The following CNTN6 variants were observed in gnomAD, a reference collection of about 807,000 sequenced individuals.
CNTN6 encodes contactin-6.
Under a neutral mutation model 122.8 loss-of-function variants are expected in CNTN6, and 137 were observed. The observed-to-expected ratio is 1.12, with a 90% CI of 0.97 to 1.29. CNTN6 has a LOEUF of 1.29. Among genes scored for constraint, CNTN6 ranks in the 50% most tolerant of loss-of-function variants. The pLI, the probability that CNTN6 is intolerant of heterozygous loss-of-function variation, is 0.00. For missense variants in CNTN6, 1,634 were observed against 1,223.4 expected, an observed-to-expected ratio of 1.34 and a Z score of -5.01; for synonymous variants, 570 against 426.0, an observed-to-expected ratio of 1.34 and a Z score of -4.16.
chr3:1,337,036 T>C (rs1703174194), intron 11 of CNTN6, among the ~76,000 whole-genome samples: 1 of 152,182 alleles, frequency 6.6e-6, no homozygotes, highest in East Asian at 1.9e-4. Context: ...GATCTTTCTT[T>C]TCTTCATGGG....
At chr3:1,172,767 T>C (rs1251852763) in intron 2 of CNTN6, among the ~76,000 whole-genome samples, 1 of 152,146 alleles carries the variant, frequency 6.6e-6, no homozygotes, top group African/African-American at 2.4e-5. Flanking sequence ...AGATTTCTGA[T>C]AAGCAACTCA....
chr3:1,386,221 TAA>T (rs1434095091), intron 20 of CNTN6, among the ~76,000 whole-genome samples: 1 of 142,936 alleles, frequency 7.0e-6, no homozygotes, highest in African/African-American at 2.9e-5. Flanking sequence ...TTATTAATAA[TAA>T]GTGTCCAGTA....
At chr3:1,387,273 C>G (rs1005221283) in intron 20 of CNTN6, among the ~76,000 whole-genome samples, 3 of 152,162 alleles carry the variant, frequency 2.0e-5, no homozygotes, top group African/African-American at 7.2e-5. Flanking sequence ...CCAGTCCACC[C>G]AGTTTTAGAC....
At chr3:1,396,789 AGCT>A (rs1369259515) in intron 20 of CNTN6, among the ~76,000 whole-genome samples, 2 of 152,230 alleles carry the variant, frequency 1.3e-5, no homozygotes, top group African/African-American at 4.8e-5. Flanking sequence ...CATGAAAAAC[AGCT>A]TTACTGAAAC....
At chr3:1,385,855 T>C (rs896060305) in intron 20 of CNTN6, 58 bp downstream of exon 20, 3 of 1,420,610 alleles carry the variant, frequency 2.1e-6, no homozygotes, top group African/African-American at 2.9e-5. Context: ...ACCTATTCCT[T>C]TGCTTGATGT....
intron 7 of CNTN6, among the ~76,000 whole-genome samples, chr3:1,321,433 A>G (rs551788846): frequency 6.6e-6 from 1 of 151,798 alleles, no homozygotes; most frequent in South Asian, 2.1e-4. Flanking sequence ...TTCCCTGAAC[A>G]TAGCACAGTG....
chr3:1,130,091 G>A lies in CNTN6; in HGVS notation c.-82-17836G>A, dbSNP rs371615623. ...ATTCTCTCTACTTAATGAAAAAGCC[G>A]ATTGCAAAACAAGAAGATTGATTAG... On this transcript the variant is annotated intron_variant, in intron 1 of 22. Coordinates refer to ENST00000446702, the MANE Select transcript of CNTN6 (RefSeq NM_001289080.2). Among the ~76,000 whole-genome samples, 25 of 152,058 alleles carry A rather than the reference G, an allele frequency of 1.6e-4. No individual in the cohort carries two copies. The East Asian group carries it at 2.9e-3, about 18-fold the overall frequency.
At chr3:1,311,887 A>G (rs937943034) in intron 7 of CNTN6, among the ~76,000 whole-genome samples, 10 of 152,108 alleles carry the variant, frequency 6.6e-5, no homozygotes, top group African/African-American at 2.2e-4. Flanking sequence ...ATTTCAATAT[A>G]TATTTATAGC....
At chr3:1,142,675 C>T (rs1412674754) in intron 1 of CNTN6, among the ~76,000 whole-genome samples, 1 of 151,922 alleles carries the variant, frequency 6.6e-6, no homozygotes, top group Non-Finnish European at 1.5e-5. Context: ...CTATTCAGCC[C>T]TGCCTTTGTA....
At chr3:1,165,941 A>ACT (rs2093238395) in intron 2 of CNTN6, among the ~76,000 whole-genome samples, 1 of 152,194 alleles carries the variant, frequency 6.6e-6, no homozygotes. Flanking sequence ...TTCAAGGGCC[A>ACT]CTCCAAAATC....
intron 7 of CNTN6, among the ~76,000 whole-genome samples, chr3:1,316,656 G>T (rs1171833935): frequency 6.6e-6 from 1 of 151,822 alleles, no homozygotes; most frequent in African/African-American, 2.4e-5. Context: ...ACAAAATTTA[G>T]CTAAGGATGA....
chr3:1,150,438 T>C (rs1319695003), intron 2 of CNTN6, among the ~76,000 whole-genome samples: 3 of 152,174 alleles, frequency 2.0e-5, no homozygotes, highest in African/African-American at 7.2e-5. Flanking sequence ...TTTGACAACC[T>C]CTCCCCTCAT....
chr3:1,173,288 G>A, intron 2 of CNTN6: 1 of 456,654 alleles, frequency 2.2e-6, no homozygotes, highest in South Asian at 1.5e-5. Context: ...TATGCTAAGT[G>A]CCCTTATATC....
chr3:1,186,364 C>T (rs1008759455), intron 2 of CNTN6, among the ~76,000 whole-genome samples: 5 of 152,070 alleles, frequency 3.3e-5, no homozygotes, highest in African/African-American at 9.7e-5. Flanking sequence ...GCTTCACACA[C>T]TGCAACTACT....
chr3:1,263,302 A>G (rs1159315190), intron 4 of CNTN6, among the ~76,000 whole-genome samples: 1 of 152,178 alleles, frequency 6.6e-6, no homozygotes, highest in Non-Finnish European at 1.5e-5. Flanking sequence ...CAACTATGTG[A>G]ACACTCTTTT....
At chr3:1,142,418 AC>A (rs2092629424) in intron 1 of CNTN6, among the ~76,000 whole-genome samples, 1 of 152,134 alleles carries the variant, frequency 6.6e-6, no homozygotes, top group African/African-American at 2.4e-5. Context: ...GTCTGCAGCT[AC>A]TTCAAAATAC....
intron 4 of CNTN6, among the ~76,000 whole-genome samples, chr3:1,228,479 A>G (rs148761857): frequency 8.5e-5 from 13 of 152,320 alleles, no homozygotes; most frequent in South Asian, 4.1e-4. Flanking sequence ...AACTGTAACA[A>G]TGTCCAGCTG....
Position 1,368,159 on chromosome 3 carries a change from G to A in CNTN6, c.1493-4140G>A, listed in dbSNP as rs573582655. Reference sequence around the variant, plus strand: ...CTTTGGGGAAACCAATAATTGATGAGTTTTGCTTTGTAATTGAAGATACAA... The same window carrying A: ...CTTTGGGGAAACCAATAATTGATGAATTTTGCTTTGTAATTGAAGATACAA... On this transcript the variant is annotated intron_variant, in intron 12 of 22. Transcript: ENST00000446702. Among the ~76,000 whole-genome samples the A allele has an allele frequency of 5.9e-5, 9 of 152,234 alleles. No individual in the cohort carries two copies. The South Asian group carries it at 1.9e-3, about 32-fold the overall frequency.
intron 1 of CNTN6, among the ~76,000 whole-genome samples, chr3:1,103,438 C>A (rs529043323): frequency 3.7e-4 from 56 of 152,236 alleles, no homozygotes; most frequent in African/African-American, 1.3e-3. Flanking sequence ...TGTGCCTATG[C>A]GGTTTGTAGA....
Sources: gnomAD v4.1 joint callset for allele counts (sites outside exome capture counted in the v4.1 genomes callset) on GRCh38, gnomAD v4.1.1 for gene constraint, MANE v1.5 for transcripts, NCBI Gene and HGNC (gene_info 2026-07-23, HGNC 2026-07-21) for gene names.